Variants in PCSK5 observed in about 807,000 individuals in gnomAD.
The protein encoded by PCSK5 is prohormone convertase 5.
A neutral mutation model predicts 233.2 loss-of-function variants in PCSK5; 129 were observed. The ratio of observed to expected loss-of-function variants is 0.55; its 90% confidence interval spans 0.48 to 0.64. The LOEUF (loss-of-function observed/expected upper bound fraction) is 0.64, where lower values mean the gene tolerates loss of function less well. PCSK5 is among the 30% of genes least tolerant of loss of function. The pLI is 0.00. For missense variants in PCSK5, 2,076 were observed against 2,430.1 expected, an observed-to-expected ratio of 0.85 and a Z score of 3.06; for synonymous variants, 825 against 879.2, an observed-to-expected ratio of 0.94 and a Z score of 1.09.
chr9:76,358,192 C>T (rs1282804686), intron 37 of PCSK5, among the ~76,000 whole-genome samples: 1 of 152,042 alleles, frequency 6.6e-6, no homozygotes, highest in East Asian at 1.9e-4. Context: ...CAATTTTATA[C>T]AGTGGTATGC....
intron 28 of PCSK5, among the ~76,000 whole-genome samples, chr9:76,303,033 G>A (rs17777727): frequency 0.031 from 3,627 of 115,482 alleles, 71 homozygotes; most frequent in Non-Finnish European, 0.046. Flanking sequence ...GAGAAACTAT[G>A]ATCACGGTTA....
At chr9:75,891,433 C>T in intron 1 of PCSK5, 60 bp downstream of exon 1, 1 of 1,329,954 alleles carries the variant, frequency 7.5e-7, no homozygotes, top group Non-Finnish European at 1.0e-6. Flanking sequence ...CTTCTTGTCC[C>T]CTCTGCGTGG....
chr9:76,029,180 C>T (rs2131501044), intron 5 of PCSK5, among the ~76,000 whole-genome samples: 1 of 152,162 alleles, frequency 6.6e-6, no homozygotes, highest in South Asian at 2.1e-4. Flanking sequence ...GGTTCCGAGG[C>T]TTTCATGACA....
chr9:76,068,170 A>G, intron 6 of PCSK5, 127 bp downstream of exon 6: 4 of 626,320 alleles, frequency 6.4e-6, no homozygotes, highest in Middle Eastern at 2.6e-4. Context: ...GTGTTCAACT[A>G]TTGCTGGCCC....
At chr9:75,959,929 T>C (rs1825268757) in intron 2 of PCSK5, among the ~76,000 whole-genome samples, 1 of 152,206 alleles carries the variant, frequency 6.6e-6, no homozygotes, top group Admixed American at 6.5e-5. Flanking sequence ...CACTTAAACG[T>C]TGCAAAGCCC....
At chr9:76,345,613 G>T (rs754041545) in intron 35 of PCSK5, among the ~76,000 whole-genome samples, 19 of 151,236 alleles carry the variant, frequency 1.3e-4, no homozygotes, top group Non-Finnish European at 2.2e-4. Context: ...TAGTAGAGAC[G>T]GGGTTTCACC....
At chr9:76,038,059 C>T (rs148021992) in intron 5 of PCSK5, among the ~76,000 whole-genome samples, 37 of 152,270 alleles carry the variant, frequency 2.4e-4, no homozygotes, top group Admixed American at 4.6e-4. Flanking sequence ...GTGGTGACAT[C>T]CTGAGCTGAG....
rs1380065749 is a variant in PCSK5, at chr9:76,328,141, A to T, written c.4472A>T (p.Asp1491Val). 1.4e-5 allele frequency: 23 copies of T among 1,612,672 alleles called. No individual in the cohort carries two copies. In the African/African-American group the frequency reaches 1.6e-4, roughly 11 times the overall value. Residue 1491 changes from aspartate (D) to valine (V), a missense_variant, in exon 33 of 38, where the codon GAT becomes GTT. Transcript: ENST00000674117. Reference sequence around the variant, plus strand: ...TCACCCTCCGAGTACTGGGATGAGGATGCTCCCGGGTGCAAGCCCTGCCAT... The same window carrying T: ...TCACCCTCCGAGTACTGGGATGAGGTTGCTCCCGGGTGCAAGCCCTGCCAT... ...KCSPSEYWDE[D>V]APGCKPCHVK... is the part of the protein sequence containing the mutation.
intron 20 of PCSK5, chr9:76,205,235 T>A (rs1361979544): frequency 5.8e-6 from 3 of 518,772 alleles, no homozygotes; most frequent in South Asian, 4.2e-5. Context: ...ACCCTCCACC[T>A]CCCGCTTCCA....
Position 76,158,999 on chromosome 9 carries a change from A to C in PCSK5, c.1447A>C (p.Ser483Arg). The C allele has an allele frequency of 6.2e-7, 1 of 1,614,032 alleles. No individual in the cohort carries two copies. Among genetic ancestry groups the C allele is most frequent in the Non-Finnish European group, 8.5e-7 (1 of 1,179,918 alleles). ...CTGTTACAGGACAATCCGCCCTAAC[A>C]GTGCAGTGCGCTCCATCTACAAAGC... ...DRQIKTIRPNSAVRSIYKASG... is the reference protein window; with the variant it reads ...DRQIKTIRPNRAVRSIYKASG... Residue 483 changes from serine (S) to arginine (R), a missense_variant, in exon 12 of 38, where the codon AGT (serine) becomes CGT (arginine). Around this residue, in one of 6 missense-constraint regions of PCSK5, gnomAD observed 64 missense variants for 68.6 expected, o/e 0.93. Transcript: ENST00000674117.
chr9:75,934,684 C>T (rs144398749), intron 2 of PCSK5, among the ~76,000 whole-genome samples: 18 of 151,826 alleles, frequency 1.2e-4, no homozygotes, highest in Admixed American at 1.1e-3. Context: ...CGGGTTCAAG[C>T]GATTCTCCTG....
intron 16 of PCSK5, among the ~76,000 whole-genome samples, chr9:76,184,160 A>G (rs1823995426): frequency 6.6e-6 from 1 of 152,234 alleles, no homozygotes; most frequent in Admixed American, 6.5e-5. Flanking sequence ...ACAATGTTAG[A>G]AATAAGCAAT....
chr9:76,227,790 G>A (rs886483601), intron 21 of PCSK5, among the ~76,000 whole-genome samples, 185 bp downstream of exon 21: 4 of 152,086 alleles, frequency 2.6e-5, no homozygotes, highest in Non-Finnish European at 2.9e-5. Flanking sequence ...CTCTCCCCAT[G>A]ACGCCCAGTC....
intron 2 of PCSK5, among the ~76,000 whole-genome samples, chr9:75,937,311 T>C (rs2131293769): frequency 6.6e-6 from 1 of 152,122 alleles, no homozygotes; most frequent in African/African-American, 2.4e-5. Flanking sequence ...CCTGAGTAGC[T>C]GGGATTACAG....
intron 1 of PCSK5, among the ~76,000 whole-genome samples, chr9:75,900,458 C>A (rs1344180041): frequency 6.6e-6 from 1 of 151,950 alleles, no homozygotes; most frequent in Non-Finnish European, 1.5e-5. Context: ...GGAGCTGGAT[C>A]TCTTGAGGCC....
chr9:75,994,269 CTT>C, intron 3 of PCSK5, among the ~76,000 whole-genome samples: 1 of 152,210 alleles, frequency 6.6e-6, no homozygotes, highest in South Asian at 2.1e-4. Flanking sequence ...TACTTTACCT[CTT>C]GAGTCAGTTG....
At chr9:76,235,740 G>A (rs35923572) in intron 22 of PCSK5, among the ~76,000 whole-genome samples, 23,597 of 152,190 alleles carry the variant, frequency 0.16, 1,888 homozygotes, top group African/African-American at 0.19. Flanking sequence ...CAGCTGTAAT[G>A]AGCAGAGAAG....
chr9:76,095,389 C>T (rs974901477), intron 7 of PCSK5, among the ~76,000 whole-genome samples: 1 of 152,178 alleles, frequency 6.6e-6, no homozygotes, highest in Admixed American at 6.5e-5. Flanking sequence ...AGATTTTAAA[C>T]AATAGTGCAT....
chr9:76,023,927 A>G (rs1273593053), intron 4 of PCSK5, 46 bp downstream of exon 4: 10 of 1,537,524 alleles, frequency 6.5e-6, no homozygotes, highest in Non-Finnish European at 8.8e-6. Context: ...TGGGAAACAG[A>G]GAAACTCATG....
Sources: gnomAD v4.1 joint callset for allele counts (sites outside exome capture counted in the v4.1 genomes callset) on GRCh38, gnomAD v4.1.1 for gene constraint, gnomAD v4.1.1 regional missense constraint, MANE v1.5 for transcripts, NCBI Gene and HGNC (gene_info 2026-07-23, HGNC 2026-07-21) for gene names.